OVCH1: variants seen among roughly 807,000 people sequenced by gnomAD.
The protein encoded by OVCH1 is ovochymase-1.
In OVCH1, 139 loss-of-function variants were observed where a neutral mutation model predicts 138.4. The observed-to-expected ratio is 1.00, with a 90% CI of 0.87 to 1.16. The LOEUF (loss-of-function observed/expected upper bound fraction) is 1.16. Among genes scored for constraint, OVCH1 ranks in the 50% most tolerant of loss-of-function variants. The probability of loss-of-function intolerance (pLI) is 0.00; values close to 1 mark genes in which losing one functional copy is unlikely to be tolerated. For missense variants in OVCH1, 1,367 were observed against 1,357.9 expected (o/e 1.01, Z -0.11); for synonymous variants, 453 against 467.8 (o/e 0.97, Z 0.41).
At chr12:29,494,552 T>C (rs2136096734) in intron 4 of OVCH1, among the ~76,000 whole-genome samples, 1 of 152,270 alleles carries the variant, frequency 6.6e-6, no homozygotes, top group African/African-American at 2.4e-5. Context: ...AAAATACCAG[T>C]TGGCCAAAAT....
exon 4 of OVCH1, chr12:29,495,378 C>T (rs1007228212): frequency 1.4e-5 from 22 of 1,613,186 alleles, no homozygotes; most frequent in Non-Finnish European, 1.8e-5. Context: ...ATTTTTGAGA[C>T]AGGAATATTC....
rs202173831 is a variant in OVCH1, at chr12:29,439,370, A to C, written c.3222T>G (p.Asn1074Lys). The C allele has an allele frequency of 1.1e-3, 1,760 of 1,579,222 alleles. 14 individuals are homozygous for C. The African/African-American group carries it at 0.021, about 19-fold the overall frequency. The stretch of plus-strand genomic sequence containing the variant: ...TATGCATGATATATGTGTTAATAAA[A>C]TTCAGTTTTTCTCTTTTTAATATGT... Residue 1074 changes from asparagine to lysine, a missense_variant, in exon 26 of 28, where the codon AAT becomes AAG. By Grantham distance (94) the Asn-to-Lys change is moderately conservative. Transcript: ENST00000318184.
intron 16 of OVCH1, among the ~76,000 whole-genome samples, chr12:29,469,988 G>T (rs947424494): frequency 4.6e-5 from 7 of 152,154 alleles, no homozygotes; most frequent in Non-Finnish European, 7.4e-5. Context: ...GATTGCTTTA[G>T]TCTGGATCGA....
At chr12:29,469,804 G>T (rs542511087) in intron 16 of OVCH1, among the ~76,000 whole-genome samples, 3 of 152,086 alleles carry the variant, frequency 2.0e-5, no homozygotes, top group Non-Finnish European at 4.4e-5. Context: ...AGCCCCACAG[G>T]TAAGACTAAA....
intron 16 of OVCH1, 71 bp from the exon 17 acceptor site, chr12:29,465,290 A>G (rs1592075195): frequency 1.6e-6 from 2 of 1,281,024 alleles, no homozygotes; most frequent in Non-Finnish European, 1.1e-6. Flanking sequence ...ACACTGCTAT[A>G]AAGGACTCTG....
intron 1 of OVCH1, among the ~76,000 whole-genome samples, chr12:29,497,350 T>C (rs1943446890): frequency 6.6e-6 from 1 of 152,220 alleles, no homozygotes; most frequent in South Asian, 2.1e-4. Flanking sequence ...TCTACTTGGT[T>C]AGGTTTCCTT....
At chr12:29,485,570 C>T (rs532486079) in intron 8 of OVCH1, among the ~76,000 whole-genome samples, 3 of 152,026 alleles carry the variant, frequency 2.0e-5, no homozygotes, top group Admixed American at 6.6e-5. Context: ...GTCAGGAGAT[C>T]GAGACCATCC....
intron 8 of OVCH1, among the ~76,000 whole-genome samples, chr12:29,481,533 C>A (rs1471399650): frequency 6.6e-6 from 1 of 152,164 alleles, no homozygotes; most frequent in African/African-American, 2.4e-5. Flanking sequence ...ACTAAGACAT[C>A]CAGTGTAAAT....
chr12:29,483,927 T>C (rs554764071), intron 8 of OVCH1, among the ~76,000 whole-genome samples: 1 of 152,320 alleles, frequency 6.6e-6, no homozygotes, highest in Admixed American at 6.5e-5. Flanking sequence ...AGAATTAGTC[T>C]CTATCTTTTA....
At chr12:29,468,144 C>T (rs1185491227) in intron 16 of OVCH1, among the ~76,000 whole-genome samples, 2 of 151,952 alleles carry the variant, frequency 1.3e-5, no homozygotes, top group African/African-American at 4.8e-5. Flanking sequence ...TATGCATGTA[C>T]GTTTAAATAT....
At chr12:29,445,198 G>T in intron 23 of OVCH1, 80 bp downstream of exon 23, 2 of 1,376,418 alleles carry the variant, frequency 1.5e-6, no homozygotes, top group Non-Finnish European at 9.9e-7. Context: ...TCAAAATGTT[G>T]TATATGTTTG....
chr12:29,489,904 C>T (rs990045631), intron 5 of OVCH1, 133 bp from the exon 6 acceptor site: 10 of 981,646 alleles, frequency 1.0e-5, no homozygotes, highest in Non-Finnish European at 1.5e-5. Context: ...AGGTGTGAAT[C>T]ATATTCACTT....
At chr12:29,478,122 A>G (rs1942805420) in intron 9 of OVCH1, among the ~76,000 whole-genome samples, 1 of 152,220 alleles carries the variant, frequency 6.6e-6, no homozygotes, top group African/African-American at 2.4e-5. Context: ...GAGAGCTTCT[A>G]TCATGGTTAA....
intron 17 of OVCH1, 129 bp from the exon 18 acceptor site, chr12:29,464,831 A>G (rs918699553): frequency 1.2e-6 from 1 of 835,446 alleles, no homozygotes; most frequent in Non-Finnish European, 1.9e-6. Flanking sequence ...AAGACTTTCT[A>G]TTAAATTTAA....
intron 16 of OVCH1, among the ~76,000 whole-genome samples, chr12:29,466,373 A>G (rs2135989735): frequency 7.1e-6 from 1 of 141,336 alleles, no homozygotes; most frequent in Non-Finnish European, 1.5e-5. Context: ...TTTGCAAGAA[A>G]AAAAGAATAT....
chr12:29,410,444 A>G (rs1040649220), downstream of OVCH1, among the ~76,000 whole-genome samples: 1 of 151,170 alleles, frequency 6.6e-6, no homozygotes, highest in African/African-American at 2.4e-5. Flanking sequence ...GCAGCGGCTG[A>G]TACCGGTTGT....
intron 15 of OVCH1, among the ~76,000 whole-genome samples, chr12:29,472,261 A>T (rs1942538821): frequency 6.6e-6 from 1 of 152,194 alleles, no homozygotes; most frequent in African/African-American, 2.4e-5. Flanking sequence ...TGTTCCAGAC[A>T]TTGGTGATAT....
rs984092057 is a variant in OVCH1, at chr12:29,476,783, A to G, written c.1377+319T>C. ...CACACACACACACACACACACACAC[A>G]CACACACACACACACACACACACAG... On this transcript the variant is annotated intron_variant, in intron 12 of 27. Coordinates refer to ENST00000318184, the Ensembl canonical transcript of OVCH1. Among the ~76,000 whole-genome samples, 602 of 133,132 alleles carry G rather than the reference A, an allele frequency of 4.5e-3. 5 individuals are homozygous for G. Among genetic ancestry groups the G allele is most frequent in the Middle Eastern group, 0.012 (3 of 252 alleles). The allele number at this position is 133,132 out of a possible 152,430, so 87.3% of individuals were successfully genotyped here.
At chr12:29,417,355 C>T (rs961937242) in intron 3 of OVCH1, among the ~76,000 whole-genome samples, 8 of 145,512 alleles carry the variant, frequency 5.5e-5, no homozygotes, top group Non-Finnish European at 1.2e-4. Flanking sequence ...CTCAGCTACT[C>T]GGGAGGCTGA....
Sources: gnomAD v4.1 joint callset for allele counts (sites outside exome capture counted in the v4.1 genomes callset) on GRCh38, gnomAD v4.1.1 for gene constraint, MANE v1.5 for transcripts, NCBI Gene and HGNC (gene_info 2026-07-23, HGNC 2026-07-21) for gene names.